The following BTBD7 variants were observed in gnomAD, a reference collection of about 807,000 sequenced individuals.
The protein encoded by BTBD7 is BTB domain containing 7, also known as BTB/POZ domain-containing protein 7.
BTBD7 carries 38 observed loss-of-function variants against 99.9 expected under a neutral mutation model. The ratio of observed to expected loss-of-function variants is 0.38; its 90% CI spans 0.29 to 0.50. BTBD7 has a LOEUF of 0.50. Among genes scored for constraint, BTBD7 ranks in the 20% least tolerant of loss-of-function variants. The pLI is 0.93. For synonymous variants in BTBD7, 520 were observed against 511.4 expected (o/e 1.02, Z -0.23); for missense variants, 1,170 against 1,394.6 (o/e 0.84, Z 2.57).
intron 1 of BTBD7, 121 bp from the exon 2 acceptor site, chr14:93,296,278 CAT>C (rs747113164): frequency 1.5e-4 from 100 of 648,602 alleles, no homozygotes; most frequent in Non-Finnish European, 2.0e-4. Flanking sequence ...GTCAAATTCA[CAT>C]GTCAAATTTT....
At position 93,251,641 on chromosome 14, in the gene BTBD7, A is replaced by G. The variant is rs2052369267; in HGVS notation, c.1764T>C (p.Asp588=). ...PYVEEAKSVL[D]EMMVEQTDLV... ...GATCCGTTTGTTCCACCATCATCTC[A>G]TCTAGCACTGACTGAAATAATCATT... The change falls in exon 8 of 11, where the codon GAT becomes GAC. Residue 588 remains aspartate (D), a synonymous_variant. Coordinates refer to ENST00000334746, the MANE Select transcript of BTBD7 (RefSeq NM_001002860.4). The G allele has an allele frequency of 1.3e-6, 2 of 1,589,400 alleles. No individual in the cohort carries two copies. Among genetic ancestry groups the G allele is most frequent in the African/African-American group, 1.3e-5 (1 of 74,584 alleles).
rs530220385 is a variant in BTBD7, at chr14:93,293,948, C to T, written c.1072G>A (p.Val358Ile). 1.1e-5 allele frequency: 18 copies of T among 1,613,666 alleles called. No individual in the cohort carries two copies. In the East Asian group the frequency reaches 2.5e-4, roughly 22 times the overall value. ...CTGGTCATGTTTGGCTTCCCTGCGA[C>T]GAGAGCCTGAACTTCACTGAGACTC... The part of the protein sequence containing the change: ...VGSLSEVQAL[V>I]AGKPNMTRAE... The change falls in exon 3 of 11, where the codon GTC becomes ATC. Residue 358 changes from valine to isoleucine, a missense_variant. By Grantham distance (29) the Val-to-Ile change is conservative (BLOSUM62 3). Transcript: ENST00000334746.
intron 3 of BTBD7, among the ~76,000 whole-genome samples, chr14:93,282,626 C>T (rs1193124798): frequency 2.0e-5 from 3 of 152,110 alleles, no homozygotes; most frequent in Non-Finnish European, 4.4e-5. Flanking sequence ...CCACCGCACC[C>T]GGCCTATGCT....
chr14:93,308,321 T>TGGATTA (rs2053096310), intron 1 of BTBD7, among the ~76,000 whole-genome samples: 1 of 149,896 alleles, frequency 6.7e-6, no homozygotes, highest in Non-Finnish European at 1.5e-5. Flanking sequence ...AAAAGAAAAT[T>TGGATTA]GGATTAGTAC....
chr14:93,277,952 AG>A (rs1294556685), intron 3 of BTBD7, among the ~76,000 whole-genome samples: 1 of 152,248 alleles, frequency 6.6e-6, no homozygotes, highest in Non-Finnish European at 1.5e-5. Context: ...TGAAAAATTC[AG>A]CGGTTCACAC....
intron 3 of BTBD7, among the ~76,000 whole-genome samples, chr14:93,281,670 A>G (rs2052721428): frequency 6.6e-6 from 1 of 152,232 alleles, no homozygotes; most frequent in Non-Finnish European, 1.5e-5. Flanking sequence ...GTTATTTATA[A>G]CAGAATAAGA....
At chr14:93,312,675 A>G (rs1314829754) in intron 1 of BTBD7, among the ~76,000 whole-genome samples, 1 of 152,286 alleles carries the variant, frequency 6.6e-6, no homozygotes, top group East Asian at 1.9e-4. Context: ...TTTTGGGTAG[A>G]ATAAAGAGTG....
rs1373332364 is a variant in BTBD7, at chr14:93,259,777, T to C, written c.1447+1825A>G. On this transcript the variant is annotated intron_variant, in intron 5 of 10. Coordinates refer to ENST00000334746, the MANE Select transcript of BTBD7 (RefSeq NM_001002860.4). ...GGCGAAACCCTGTGTCTACTAAAAATACAAAAATTAGCCACGCGTGGTGGC... is the reference window on the plus strand; with the variant it reads ...GGCGAAACCCTGTGTCTACTAAAAACACAAAAATTAGCCACGCGTGGTGGC... 2.6e-5 allele frequency among the ~76,000 whole-genome samples: 4 copies of C among 151,982 alleles called. No individual in the cohort carries two copies. In the South Asian group the frequency reaches 6.2e-4, roughly 24 times the overall value.
intron 1 of BTBD7, among the ~76,000 whole-genome samples, chr14:93,298,056 G>T (rs1019068144): frequency 2.6e-4 from 39 of 149,758 alleles, no homozygotes; most frequent in African/African-American, 9.0e-4. Flanking sequence ...TCTTTTTTTT[G>T]TTTGTTTTGC....
chr14:93,318,848 G>A (rs2053237814), intron 1 of BTBD7, among the ~76,000 whole-genome samples: 1 of 152,164 alleles, frequency 6.6e-6, no homozygotes, highest in South Asian at 2.1e-4. Flanking sequence ...TTGGAGTACT[G>A]GGACTGTGTC....
chr14:93,291,789 T>TA lies in BTBD7; in HGVS notation c.1162+2068dup, dbSNP rs33995662. 8.8e-4 allele frequency among the ~76,000 whole-genome samples: 127 copies of TA among 144,130 alleles called. No homozygotes were observed. The East Asian group carries it at 0.013, about 15-fold the overall frequency. The allele number at this position is 144,130 out of a possible 152,430, so 94.6% of individuals were successfully genotyped here. On this transcript the variant is annotated intron_variant, in intron 3 of 10. Transcript: ENST00000334746. ...TAAAATACAACTTTTAGCTAAACAC[T>TA]AAAAAAAAAAAAAGAGAAATTAACT... is the stretch of plus-strand genomic sequence containing the variant.
chr14:93,249,314 G>A (rs2052347147), intron 8 of BTBD7, among the ~76,000 whole-genome samples: 1 of 150,528 alleles, frequency 6.6e-6, no homozygotes, highest in Non-Finnish European at 1.5e-5. Flanking sequence ...GAAGGACTGG[G>A]TATGTGTAAA....
intron 3 of BTBD7, among the ~76,000 whole-genome samples, chr14:93,270,318 A>G (rs2139719298): frequency 6.6e-6 from 1 of 150,776 alleles, no homozygotes; most frequent in African/African-American, 2.4e-5. Flanking sequence ...CTAGTCTTGA[A>G]CTCCTGACCT....
At chr14:93,244,780 G>A (rs1320570664) in intron 10 of BTBD7, among the ~76,000 whole-genome samples, 1 of 151,738 alleles carries the variant, frequency 6.6e-6, no homozygotes, top group Admixed American at 6.6e-5. Flanking sequence ...TCCCTGAACT[G>A]ACAGGTGAAT....
At chr14:93,261,732 T>G in intron 4 of BTBD7, 55 bp from the exon 5 acceptor site, 1 of 1,322,808 alleles carries the variant, frequency 7.6e-7, no homozygotes, top group Non-Finnish European at 1.1e-6. Flanking sequence ...AGTGGTTAAT[T>G]TCATTAAGGA....
At chr14:93,287,228 CA>C (rs528012658) in intron 3 of BTBD7, among the ~76,000 whole-genome samples, 382 of 126,632 alleles carry the variant, frequency 3.0e-3, no homozygotes, top group Non-Finnish European at 4.1e-3. Context: ...GACTCTGTCT[CA>C]AAAAAAAAAA....
At chr14:93,280,438 T>C (rs1246675985) in intron 3 of BTBD7, among the ~76,000 whole-genome samples, 7 of 147,424 alleles carry the variant, frequency 4.7e-5, no homozygotes, top group African/African-American at 1.5e-4. Context: ...AAGATGAATA[T>C]CGCTAGAAAC....
rs1301592298 is a variant in BTBD7, at chr14:93,263,869, T to C, written c.1287A>G (p.Glu429=). The change falls in exon 4 of 11, where the codon GAA becomes GAG. Residue 429 remains glutamate, a synonymous_variant. Coordinates refer to ENST00000334746, the MANE Select transcript of BTBD7 (RefSeq NM_001002860.4). ...HRQALHFLCE[E]FSQVMTSDVF... ...CATCCGAAGTCATGACCTGGGAAAA[T>C]TCCTCACAGAGGAAATGTAAAGCTT... 6.2e-7 allele frequency: 1 copy of C among 1,614,072 alleles called. No homozygotes were observed. Among genetic ancestry groups the C allele is most frequent in the South Asian group, 1.1e-5 (1 of 91,082 alleles).
intron 1 of BTBD7, among the ~76,000 whole-genome samples, chr14:93,328,986 A>T (rs2053366977): frequency 6.6e-6 from 1 of 152,222 alleles, no homozygotes; most frequent in African/African-American, 2.4e-5. Context: ...TTTCTTGGCT[A>T]TGACACCAAA....
Sources: allele counts gnomAD v4.1 joint callset (sites outside exome capture counted in the v4.1 genomes callset), GRCh38; gene constraint gnomAD v4.1.1; transcripts MANE v1.5; gene names NCBI Gene and HGNC (gene_info 2026-07-23, HGNC 2026-07-21).